The following LPP variants were observed in gnomAD, a reference collection of about 807,000 sequenced individuals.
The protein encoded by LPP is LIM domain containing preferred translocation partner in lipoma.
Under a neutral mutation model 60.4 loss-of-function variants are expected in LPP, and 38 were observed. The observed-to-expected ratio is 0.63, with a 90% CI of 0.49 to 0.83. The LOEUF (loss-of-function observed/expected upper bound fraction) is 0.83, where lower values mean the gene tolerates loss of function less well. Ranked by LOEUF, LPP falls within the 40% of genes least tolerant of loss-of-function variation. The pLI, the probability that LPP is intolerant of heterozygous loss-of-function variation, is 0.00. For missense variants in LPP, 902 were observed against 783.6 expected (o/e 1.15, Z -1.80); for synonymous variants, 328 against 290.8 (o/e 1.13, Z -1.30).
chr3:188,678,334 T>A (rs563487335), intron 7 of LPP, among the ~76,000 whole-genome samples: 1 of 152,200 alleles, frequency 6.6e-6, no homozygotes, highest in Non-Finnish European at 1.5e-5. Flanking sequence ...CAGCTCAGAT[T>A]TATTTCTATA....
At position 188,172,091 on chromosome 3, in the gene LPP, A is replaced by T. The variant is rs188945998; in HGVS notation, c.-190+17839A>T. On this transcript the variant is annotated intron_variant, in intron 1 of 11. Coordinates refer to ENST00000617246, the MANE Select transcript of LPP (RefSeq NM_001375462.1). ...GAGGTTTGGTTCTTCTCCAGTAGAGATTTTCAGAAGCTAAGAATTCACCTT... is the reference window on the plus strand; with the variant it reads ...GAGGTTTGGTTCTTCTCCAGTAGAGTTTTTCAGAAGCTAAGAATTCACCTT... Among the ~76,000 whole-genome samples, 5 of 152,250 alleles carry T rather than the reference A, an allele frequency of 3.3e-5. No homozygotes were observed. In the East Asian group the frequency reaches 9.7e-4, roughly 29 times the overall value.
chr3:188,470,703 A>G (rs978042977), intron 4 of LPP, among the ~76,000 whole-genome samples: 1 of 152,114 alleles, frequency 6.6e-6, no homozygotes, highest in Non-Finnish European at 1.5e-5. Context: ...TGGGCCTCCA[A>G]GAATAGCTTG....
chr3:188,428,157 G>A (rs146129319), intron 4 of LPP, among the ~76,000 whole-genome samples: 189 of 152,240 alleles, frequency 1.2e-3, no homozygotes, highest in Non-Finnish European at 2.4e-3. Context: ...GCTTCTCTTG[G>A]CTAGGAGAGG....
At chr3:188,695,564 G>A (rs190067970) in intron 7 of LPP, among the ~76,000 whole-genome samples, 1 of 152,272 alleles carries the variant, frequency 6.6e-6, no homozygotes, top group Non-Finnish European at 1.5e-5. Flanking sequence ...ACTCACAGTG[G>A]CTCTCAGATG....
chr3:188,792,158 T>G (rs1188931829), intron 9 of LPP, among the ~76,000 whole-genome samples: 1 of 152,164 alleles, frequency 6.6e-6, no homozygotes, highest in African/African-American at 2.4e-5. Flanking sequence ...ATATCTATTC[T>G]CAGAGTTTGT....
chr3:188,628,601 T>A (rs1348746006), intron 7 of LPP, among the ~76,000 whole-genome samples: 1 of 151,958 alleles, frequency 6.6e-6, no homozygotes, highest in Non-Finnish European at 1.5e-5. Flanking sequence ...ATTGAATCAG[T>A]TATAAAAAAC....
At chr3:188,657,350 A>G (rs1008783716) in intron 7 of LPP, among the ~76,000 whole-genome samples, 1 of 149,278 alleles carries the variant, frequency 6.7e-6, no homozygotes, top group African/African-American at 2.5e-5. Flanking sequence ...AAAATGTATA[A>G]AAAAGGCAAA....
chr3:188,735,202 A>G (rs1296879820), intron 8 of LPP, among the ~76,000 whole-genome samples: 4 of 152,072 alleles, frequency 2.6e-5, no homozygotes, highest in African/African-American at 9.7e-5. Context: ...TGTTTGTTTC[A>G]GGCAATTAAA....
chr3:188,438,104 T>A (rs1792802123), intron 4 of LPP, among the ~76,000 whole-genome samples: 4 of 152,126 alleles, frequency 2.6e-5, no homozygotes, highest in African/African-American at 9.7e-5. Context: ...ACTGCCTGGA[T>A]ATAATATCCT....
At chr3:188,870,862 A>AATACAGT (rs1250322123) in intron 10 of LPP, among the ~76,000 whole-genome samples, 1 of 152,186 alleles carries the variant, frequency 6.6e-6, no homozygotes, top group East Asian at 1.9e-4. Context: ...ACTCAGCAAG[A>AATACAGT]ATACAGTTTA....
At position 188,888,298 on chromosome 3, in the gene LPP, A is replaced by G; in HGVS notation, c.*13819A>G. On this transcript the variant is annotated 3_prime_UTR_variant, in exon 12 of 12. Transcript: ENST00000617246. ...AAGTAGCAAATCTGTGCCATGAAGTAGATGTGGCGTGAAGATACAGAGCCT... is the reference window on the plus strand; with the variant it reads ...AAGTAGCAAATCTGTGCCATGAAGTGGATGTGGCGTGAAGATACAGAGCCT... The G allele has an allele frequency of 4.4e-6, 1 of 226,786 alleles. No individual in the cohort carries two copies. The highest frequency in any genetic ancestry group is 8.8e-6 in the Non-Finnish European group (1 of 113,824). 14.0% of individuals were successfully genotyped at this position (226,786 alleles called of 1,614,324 possible). A position where few individuals can be genotyped will look rare whatever the true frequency, so the allele number is the denominator to read the frequency against.
intron 2 of LPP, among the ~76,000 whole-genome samples, chr3:188,249,776 C>T (rs1444869813): frequency 6.7e-6 from 1 of 149,810 alleles, no homozygotes; most frequent in African/African-American, 2.5e-5. Flanking sequence ...CATTTTATCC[C>T]ATTGGATTTA....
rs1039352952 is a variant in LPP at position 188,874,366 on chromosome 3, C to T, written c.1726C>T (p.Leu576=). ...CYRCEDCGGL[L]SEGDNQGCYP... ...ACTGTTCTAGGATTGCGGTGGTCTCCTGTCTGAAGGAGATAACCAAGGCTG... is the reference window on the plus strand; with the variant it reads ...ACTGTTCTAGGATTGCGGTGGTCTCTTGTCTGAAGGAGATAACCAAGGCTG... The change falls in exon 12 of 12, where the codon CTG becomes TTG. Residue 576 remains leucine (L), a synonymous_variant. Transcript: ENST00000617246. The T allele has an allele frequency of 1.2e-6, 2 of 1,613,700 alleles. No homozygotes were observed. The highest frequency in any genetic ancestry group is 2.7e-5 in the African/African-American group (2 of 75,040).
At chr3:188,872,547 A>G (rs926598754) in intron 10 of LPP, 96 bp from the exon 11 acceptor site, 30 of 1,362,530 alleles carry the variant, frequency 2.2e-5, no homozygotes, top group Non-Finnish European at 2.6e-5. Flanking sequence ...GGAAGCAGGT[A>G]TACCGACTCT....
chr3:188,401,398 C>A (rs1675920690), intron 3 of LPP, among the ~76,000 whole-genome samples: 1 of 152,168 alleles, frequency 6.6e-6, no homozygotes, highest in African/African-American at 2.4e-5. Context: ...AGTATTATTT[C>A]TAATCTTTGC....
chr3:188,650,152 A>G (rs988003308), intron 7 of LPP, among the ~76,000 whole-genome samples: 1 of 152,218 alleles, frequency 6.6e-6, no homozygotes, highest in Non-Finnish European at 1.5e-5. Context: ...GCATTTTGCT[A>G]TATCCTTACT....
chr3:188,205,552 G>T (rs1732971501), intron 1 of LPP, among the ~76,000 whole-genome samples: 1 of 152,194 alleles, frequency 6.6e-6, no homozygotes, highest in Non-Finnish European at 1.5e-5. Context: ...AAAGTGCTGG[G>T]ATTACAGGCC....
intron 2 of LPP, chr3:188,239,926 G>A: frequency 4.9e-6 from 1 of 204,352 alleles, no homozygotes. Flanking sequence ...ATCAAAATTG[G>A]TAGATCATTT....
intron 5 of LPP, among the ~76,000 whole-genome samples, chr3:188,511,493 T>C (rs1479994820): frequency 6.6e-6 from 1 of 152,016 alleles, no homozygotes; most frequent in Non-Finnish European, 1.5e-5. Flanking sequence ...CATGACCTAA[T>C]TTTTGGTAAT....
Sources: gnomAD v4.1 joint callset for allele counts (sites outside exome capture counted in the v4.1 genomes callset) on GRCh38, gnomAD v4.1.1 for gene constraint, MANE v1.5 for transcripts, NCBI Gene and HGNC (gene_info 2026-07-23, HGNC 2026-07-21) for gene names.